ZNF521: variants seen among roughly 807,000 people sequenced by gnomAD.
ZNF521 encodes the protein LYST-interacting protein 3.
ZNF521 carries 14 observed loss-of-function variants against 105.5 expected under a neutral mutation model. The observed-to-expected ratio is 0.13, with a 90% confidence interval of 0.09 to 0.21. The LOEUF is 0.21. ZNF521 is among the 10% of genes least tolerant of loss of function. The pLI is 1.00. For synonymous variants in ZNF521, 635 were observed against 606.0 expected, an observed-to-expected ratio of 1.05 and a Z score of -0.70; for missense variants, 1,233 against 1,629.7, an observed-to-expected ratio of 0.76 and a Z score of 4.19.
intron 3 of ZNF521, among the ~76,000 whole-genome samples, chr18:25,283,945 T>A (rs1419663374): frequency 8.1e-6 from 1 of 123,710 alleles, no homozygotes; most frequent in African/African-American, 2.9e-5. Context: ...AAAAAATTCA[T>A]GAGCAGCAAC....
intron 3 of ZNF521, among the ~76,000 whole-genome samples, chr18:25,238,833 G>A (rs990064642): frequency 1.3e-5 from 2 of 152,078 alleles, no homozygotes; most frequent in African/African-American, 2.4e-5. Flanking sequence ...CAGACACCTG[G>A]ACTCCACCCC....
At chr18:25,201,023 A>G (rs1330504743) in intron 4 of ZNF521, 1 of 150,816 alleles carries the variant, frequency 6.6e-6, no homozygotes, top group Non-Finnish European at 1.5e-5. Flanking sequence ...TCTTGGTTGA[A>G]AGCCCATTTG....
intron 5 of ZNF521, among the ~76,000 whole-genome samples, chr18:25,163,813 G>C (rs1258999741): frequency 6.6e-6 from 1 of 152,168 alleles, no homozygotes; most frequent in Non-Finnish European, 1.5e-5. Flanking sequence ...CAGTGTGTGT[G>C]GGATGGTAGG....
At chr18:25,141,669 C>T (rs531038343) in intron 5 of ZNF521, among the ~76,000 whole-genome samples, 1 of 152,260 alleles carries the variant, frequency 6.6e-6, no homozygotes, top group Admixed American at 6.5e-5. Context: ...TTGGGATTTT[C>T]TGGTTAGTTT....
intron 3 of ZNF521, among the ~76,000 whole-genome samples, chr18:25,248,674 A>G (rs1306082890): frequency 2.6e-5 from 4 of 152,218 alleles, no homozygotes; most frequent in Non-Finnish European, 4.4e-5. Flanking sequence ...TTAATTAGTC[A>G]TTAATAACAG....
chr18:25,064,725 T>C lies in ZNF521; in HGVS notation c.3907-1984A>G, dbSNP rs544164018. On this transcript the variant is annotated intron_variant, in intron 7 of 7. Transcript: ENST00000361524. ...GACCAGAGGTTCAGCTGAGAACCAA[T>C]TGGGGCTGCGTGCAGAAGTTGGCGG... Among the ~76,000 whole-genome samples the C allele has an allele frequency of 8.3e-4, 127 of 152,230 alleles. 1 individual carries two copies. The South Asian group carries it at 9.5e-3, about 11-fold the overall frequency.
At chr18:25,090,292 CT>C (rs1183649359) in intron 6 of ZNF521, among the ~76,000 whole-genome samples, 11 of 152,090 alleles carry the variant, frequency 7.2e-5, no homozygotes, top group Admixed American at 7.2e-4. Context: ...GCACTGTGAC[CT>C]AAAAAAGTTT....
intron 5 of ZNF521, among the ~76,000 whole-genome samples, chr18:25,126,523 T>C (rs988023762): frequency 7.9e-5 from 12 of 152,104 alleles, no homozygotes; most frequent in Admixed American, 6.6e-4. Context: ...TTTAAAAATC[T>C]TTATTCAACT....
At chr18:25,218,779 C>G (rs1905504606) in intron 4 of ZNF521, among the ~76,000 whole-genome samples, 2 of 151,444 alleles carry the variant, frequency 1.3e-5, no homozygotes, top group African/African-American at 4.9e-5. Flanking sequence ...ACCTGAGAGG[C>G]AGAGGTTGTG....
intron 3 of ZNF521, among the ~76,000 whole-genome samples, chr18:25,275,183 A>T (rs1332092764): frequency 1.3e-5 from 2 of 152,182 alleles, no homozygotes; most frequent in Non-Finnish European, 2.9e-5. Context: ...GCTGCGATAA[A>T]ACTTGCAAAA....
At chr18:25,089,231 C>G (rs1425242713) in intron 7 of ZNF521, among the ~76,000 whole-genome samples, 1 of 152,156 alleles carries the variant, frequency 6.6e-6, no homozygotes, top group Non-Finnish European at 1.5e-5. Flanking sequence ...CACACTGGGT[C>G]AGAAGGTCCA....
chr18:25,155,367 G>A (rs1360688303), intron 5 of ZNF521, among the ~76,000 whole-genome samples: 2 of 151,916 alleles, frequency 1.3e-5, no homozygotes, highest in Non-Finnish European at 2.9e-5. Flanking sequence ...TTTTCATTTT[G>A]TTGCTTTTTT....
At chr18:25,270,548 T>C (rs1278374128) in intron 3 of ZNF521, among the ~76,000 whole-genome samples, 1 of 152,090 alleles carries the variant, frequency 6.6e-6, no homozygotes, top group Non-Finnish European at 1.5e-5. Context: ...GCAAACCGAA[T>C]CCAGCAGCAC....
intron 5 of ZNF521, among the ~76,000 whole-genome samples, chr18:25,147,368 C>T (rs1295024303): frequency 6.6e-6 from 1 of 152,032 alleles, no homozygotes; most frequent in African/African-American, 2.4e-5. Context: ...AATCAATCAC[C>T]ATCTTGCAAG....
chr18:25,178,892 T>C (rs922523261), intron 5 of ZNF521, among the ~76,000 whole-genome samples: 7 of 152,092 alleles, frequency 4.6e-5, no homozygotes, highest in Admixed American at 1.3e-4. Context: ...GAAAGTGATG[T>C]AGACAGATTC....
At chr18:25,064,900 G>C (rs1191929269) in intron 7 of ZNF521, among the ~76,000 whole-genome samples, 1 of 152,188 alleles carries the variant, frequency 6.6e-6, no homozygotes, top group Non-Finnish European at 1.5e-5. Flanking sequence ...CCCAGCCTCA[G>C]AGTGAATACA....
In ZNF521 at chr18:25,110,593, T is replaced by C. The variant is rs185396514; in HGVS notation, c.3659-18512A>G. 1.4e-4 allele frequency among the ~76,000 whole-genome samples: 22 copies of C among 152,126 alleles called. No individual in the cohort carries two copies. The East Asian group carries it at 3.7e-3, about 26-fold the overall frequency. ...CTTTGTATCCTCAAATAATTCAATA[T>C]GTCGTCAAAGAGATCTTTTCAAATT... is the stretch of plus-strand genomic sequence containing the variant. On this transcript the variant is annotated intron_variant, in intron 5 of 7. Transcript: ENST00000361524.
chr18:25,161,195 T>G (rs1351434216), intron 5 of ZNF521, among the ~76,000 whole-genome samples: 4 of 152,118 alleles, frequency 2.6e-5, no homozygotes, highest in Admixed American at 2.6e-4. Flanking sequence ...TCAAAGCACC[T>G]GATGGAAGGC....
intron 5 of ZNF521, among the ~76,000 whole-genome samples, chr18:25,152,605 A>AT (rs1287644885): frequency 2.6e-5 from 4 of 152,228 alleles, no homozygotes; most frequent in Middle Eastern, 3.4e-3. Context: ...AAAATTTAAC[A>AT]TTTTTTTAAA....
Sources: allele counts gnomAD v4.1 joint callset (sites outside exome capture counted in the v4.1 genomes callset), GRCh38; gene constraint gnomAD v4.1.1; transcripts MANE v1.5; gene names NCBI Gene and HGNC (gene_info 2026-07-23, HGNC 2026-07-21).